The following KCNQ3 variants were observed in gnomAD, a reference collection of about 807,000 sequenced individuals.
The protein encoded by KCNQ3 is potassium voltage-gated channel subfamily KQT member 3.
In KCNQ3, 30 loss-of-function variants were observed where a neutral mutation model predicts 92.5. That is an observed-to-expected ratio of 0.32 (90% CI 0.24 to 0.44). The LOEUF (loss-of-function observed/expected upper bound fraction) is 0.44. KCNQ3 is among the 20% of genes least tolerant of loss of function. The probability of loss-of-function intolerance (pLI) is 1.00; values close to 1 mark genes in which losing one functional copy is unlikely to be tolerated. For synonymous variants in KCNQ3, 450 were observed against 468.8 expected (o/e 0.96, Z 0.52); for missense variants, 913 against 1,140.3 (o/e 0.80, Z 2.87).
intron 4 of KCNQ3, among the ~76,000 whole-genome samples, chr8:132,178,353 G>T (rs1036127422): frequency 2.6e-5 from 4 of 152,212 alleles, no homozygotes; most frequent in Non-Finnish European, 5.9e-5. Context: ...CAGATGGCAA[G>T]AAATTGCATT....
At chr8:132,455,294 A>G (rs1313563748) in intron 1 of KCNQ3, among the ~76,000 whole-genome samples, 1 of 152,094 alleles carries the variant, frequency 6.6e-6, no homozygotes, top group African/African-American at 2.4e-5. Context: ...CTTAGTAGAG[A>G]CAGGGTTTCA....
intron 1 of KCNQ3, among the ~76,000 whole-genome samples, chr8:132,193,873 G>A (rs1204131059): frequency 6.6e-6 from 1 of 152,196 alleles, no homozygotes; most frequent in Admixed American, 6.5e-5. Context: ...CAGAGAATGA[G>A]GTGTGGTCAG....
At chr8:132,238,165 A>C (rs1218074357) in intron 1 of KCNQ3, among the ~76,000 whole-genome samples, 1 of 152,264 alleles carries the variant, frequency 6.6e-6, no homozygotes, top group African/African-American at 2.4e-5. Context: ...GGTGCACTAA[A>C]TTAGGGAAGC....
intron 1 of KCNQ3, among the ~76,000 whole-genome samples, chr8:132,271,372 G>A (rs557168399): frequency 3.3e-4 from 50 of 152,336 alleles, no homozygotes; most frequent in African/African-American, 1.2e-3. Context: ...ACATTGGTCA[G>A]TGCCAAGAAA....
intron 1 of KCNQ3, among the ~76,000 whole-genome samples, chr8:132,390,879 C>G (rs1820032858): frequency 1.3e-5 from 2 of 152,170 alleles, no homozygotes; most frequent in African/African-American, 4.8e-5. Context: ...AAGGGGTCAA[C>G]ACAATTCCAA....
intron 1 of KCNQ3, among the ~76,000 whole-genome samples, chr8:132,460,148 T>C (rs1015345419): frequency 2.6e-5 from 4 of 152,162 alleles, no homozygotes; most frequent in African/African-American, 9.7e-5. Context: ...AATCAGCCAT[T>C]TATTCAGGGA....
chr8:132,151,555 C>T (rs898588868), intron 9 of KCNQ3, among the ~76,000 whole-genome samples: 24 of 152,120 alleles, frequency 1.6e-4, no homozygotes, highest in African/African-American at 5.8e-4. Flanking sequence ...AATAAAAGCA[C>T]AACAAGGTAT....
chr8:132,168,717 A>ATGTGTGTG (rs568659056), intron 8 of KCNQ3, among the ~76,000 whole-genome samples: 1 of 108,464 alleles, frequency 9.2e-6, no homozygotes, highest in East Asian at 3.1e-4. Context: ...GATAATGAAT[A>ATGTGTGTG]TGTGTGTGTG....
At chr8:132,342,818 A>G (rs1267315582) in intron 1 of KCNQ3, among the ~76,000 whole-genome samples, 1 of 152,206 alleles carries the variant, frequency 6.6e-6, no homozygotes, top group Admixed American at 6.5e-5. Flanking sequence ...ATGTATAGTC[A>G]TAAACATCTA....
intron 1 of KCNQ3, among the ~76,000 whole-genome samples, chr8:132,331,769 G>T (rs182935759): frequency 1.4e-4 from 22 of 152,388 alleles, no homozygotes; most frequent in Non-Finnish European, 1.8e-4. Flanking sequence ...CATTGCTGCT[G>T]CAGGAGAGGA....
intron 1 of KCNQ3, among the ~76,000 whole-genome samples, chr8:132,446,604 G>A (rs1821683607): frequency 6.6e-6 from 1 of 152,188 alleles, no homozygotes; most frequent in Non-Finnish European, 1.5e-5. Context: ...ATGAGTCTAT[G>A]TGTCAGCAAA....
chr8:132,220,676 G>A (rs1814196459), intron 1 of KCNQ3, among the ~76,000 whole-genome samples: 1 of 152,154 alleles, frequency 6.6e-6, no homozygotes, highest in Non-Finnish European at 1.5e-5. Context: ...TTGAGTTTGG[G>A]AGGCAGAGGT....
intron 4 of KCNQ3, among the ~76,000 whole-genome samples, chr8:132,177,314 A>G (rs544609017): frequency 1.3e-5 from 2 of 152,338 alleles, no homozygotes; most frequent in Admixed American, 6.5e-5. Context: ...CTGACTTTAT[A>G]CAATTTTTGC....
At chr8:132,237,112 A>C (rs1814841463) in intron 1 of KCNQ3, among the ~76,000 whole-genome samples, 1 of 152,196 alleles carries the variant, frequency 6.6e-6, no homozygotes, top group Non-Finnish European at 1.5e-5. Flanking sequence ...TGACCTATAG[A>C]GCATGAGCTA....
At chr8:132,417,450 T>A (rs1820847144) in intron 1 of KCNQ3, among the ~76,000 whole-genome samples, 1 of 152,182 alleles carries the variant, frequency 6.6e-6, no homozygotes, top group Non-Finnish European at 1.5e-5. Flanking sequence ...AGGAGGCCAC[T>A]GGTGAAATTT....
At chr8:132,298,822 C>T (rs1817126982) in intron 1 of KCNQ3, among the ~76,000 whole-genome samples, 1 of 152,048 alleles carries the variant, frequency 6.6e-6, no homozygotes, top group Non-Finnish European at 1.5e-5. Flanking sequence ...GGCAGAGAAT[C>T]CTTTGAACTC....
chr8:132,194,881 G>A (rs1448339269), intron 1 of KCNQ3, among the ~76,000 whole-genome samples: 2 of 152,218 alleles, frequency 1.3e-5, no homozygotes, highest in Admixed American at 1.3e-4. Context: ...GAGCTAGAAA[G>A]AGGATTTTGG....
chr8:132,297,078 C>T (rs897683964), intron 1 of KCNQ3, among the ~76,000 whole-genome samples: 1 of 152,162 alleles, frequency 6.6e-6, no homozygotes, highest in African/African-American at 2.4e-5. Flanking sequence ...TAATGATCAC[C>T]ATTCTAACTG....
chr8:132,323,737 G>A (rs1233381534), intron 1 of KCNQ3, among the ~76,000 whole-genome samples: 3 of 152,004 alleles, frequency 2.0e-5, no homozygotes, highest in Non-Finnish European at 4.4e-5. Context: ...TAGTGGAGTT[G>A]AGTTCTGTCC....
Sources: gnomAD v4.1 joint callset for allele counts (sites outside exome capture counted in the v4.1 genomes callset) on GRCh38, gnomAD v4.1.1 for gene constraint, MANE v1.5 for transcripts, NCBI Gene and HGNC (gene_info 2026-07-23, HGNC 2026-07-21) for gene names.